The following SMAP1 variants were observed in gnomAD, a reference collection of about 807,000 sequenced individuals.
The protein encoded by SMAP1 is small ArfGAP 1, also known as stromal membrane-associated protein 1.
In SMAP1, 24 loss-of-function variants were observed where a neutral mutation model predicts 58.5. The observed-to-expected ratio is 0.41, with a 90% CI of 0.30 to 0.58. SMAP1 has a LOEUF of 0.58. SMAP1 is among the 20% of genes least tolerant of loss of function. The pLI is 0.29. For synonymous variants in SMAP1, 216 were observed against 196.6 expected, an observed-to-expected ratio of 1.10 and a Z score of -0.82; for missense variants, 563 against 566.3, an observed-to-expected ratio of 0.99 and a Z score of 0.06.
At chr6:70,811,110 A>G (rs1357873707) in intron 6 of SMAP1, among the ~76,000 whole-genome samples, 2 of 152,218 alleles carry the variant, frequency 1.3e-5, no homozygotes, top group African/African-American at 4.8e-5. Context: ...TAAAAGATGC[A>G]GATAGAAGAA....
intron 6 of SMAP1, among the ~76,000 whole-genome samples, chr6:70,800,659 C>T (rs1295036621): frequency 6.6e-6 from 1 of 151,834 alleles, no homozygotes; most frequent in Non-Finnish European, 1.5e-5. Flanking sequence ...AATGCTGTCC[C>T]TCCCCCAGCC....
chr6:70,802,702 G>A lies in SMAP1; in HGVS notation c.576+3965G>A, dbSNP rs541598207. ...TTCATCAATATCTAGTTTATTGAGA[G>A]TTTTTAGCATGAAGGGCTGTTGAAT... On this transcript the variant is annotated intron_variant, in intron 6 of 10. Transcript: ENST00000370455. 6.6e-5 allele frequency among the ~76,000 whole-genome samples: 10 copies of A among 152,304 alleles called. No individual in the cohort carries two copies. In the South Asian group the frequency reaches 8.3e-4, roughly 13 times the overall value.
intron 8 of SMAP1, among the ~76,000 whole-genome samples, chr6:70,853,360 C>T (rs1771261851): frequency 6.6e-6 from 1 of 152,050 alleles, no homozygotes; most frequent in Admixed American, 6.6e-5. Flanking sequence ...AAACAAACTA[C>T]TCTTAAGCAT....
At chr6:70,820,533 C>T (rs981392993) in intron 6 of SMAP1, among the ~76,000 whole-genome samples, 5 of 151,958 alleles carry the variant, frequency 3.3e-5, no homozygotes, top group Non-Finnish European at 7.4e-5. Context: ...AATGAAACCC[C>T]GTCTCTACTA....
At chr6:70,768,743 T>C (rs373127355) in intron 3 of SMAP1, among the ~76,000 whole-genome samples, 1 of 152,210 alleles carries the variant, frequency 6.6e-6, no homozygotes, top group East Asian at 1.9e-4. Context: ...TTTGTGTCTC[T>C]ATTTCCTTCA....
intron 8 of SMAP1, among the ~76,000 whole-genome samples, chr6:70,856,501 T>G (rs17764105): frequency 0.024 from 3,600 of 152,336 alleles, 52 homozygotes; most frequent in Non-Finnish European, 0.037. Context: ...TTCCAAAGGA[T>G]ACCAGTTTCT....
intron 6 of SMAP1, among the ~76,000 whole-genome samples, chr6:70,803,456 A>G (rs1179876390): frequency 6.6e-6 from 1 of 151,974 alleles, no homozygotes; most frequent in Non-Finnish European, 1.5e-5. Flanking sequence ...TCCTGGATTC[A>G]TTGATTTTTT....
At chr6:70,830,218 A>G (rs896868628) in intron 6 of SMAP1, among the ~76,000 whole-genome samples, 2 of 152,212 alleles carry the variant, frequency 1.3e-5, no homozygotes, top group African/African-American at 2.4e-5. Flanking sequence ...TTCCTATGCA[A>G]TGTTTTCAAT....
At position 70,713,915 on chromosome 6, in the gene SMAP1, G is replaced by A. The variant is rs144679629; in HGVS notation, c.119-18463G>A. Among the ~76,000 whole-genome samples the A allele has an allele frequency of 2.7e-3, 416 of 152,166 alleles. 1 individual carries two copies. The highest frequency in any genetic ancestry group is 8.7e-3 in the African/African-American group (362 of 41,522). ...GTCAGTATTTGCTTTATATACTTGG[G>A]TGCTCTGATGTTGGGTGTGTATTTG... is the stretch of plus-strand genomic sequence containing the variant. On this transcript the variant is annotated intron_variant, in intron 1 of 10. Coordinates refer to ENST00000370455, the MANE Select transcript of SMAP1 (RefSeq NM_001044305.3).
intron 2 of SMAP1, among the ~76,000 whole-genome samples, chr6:70,748,606 C>G (rs958845157): frequency 2.6e-5 from 4 of 152,020 alleles, no homozygotes; most frequent in African/African-American, 9.7e-5. Context: ...GAGGAAGTCT[C>G]CTTTTTCTGA....
chr6:70,744,933 G>A (rs1244216013), intron 2 of SMAP1, among the ~76,000 whole-genome samples: 1 of 152,210 alleles, frequency 6.6e-6, no homozygotes, highest in African/African-American at 2.4e-5. Context: ...GTGATAATGA[G>A]CATTTTTTCA....
At chr6:70,829,113 TCACC>T (rs1770257131) in intron 6 of SMAP1, among the ~76,000 whole-genome samples, 1 of 152,190 alleles carries the variant, frequency 6.6e-6, no homozygotes, top group African/African-American at 2.4e-5. Context: ...AAAATCCTAA[TCACC>T]CACGACTACC....
At chr6:70,790,805 G>A (rs1271219677) in intron 4 of SMAP1, among the ~76,000 whole-genome samples, 4 of 152,078 alleles carry the variant, frequency 2.6e-5, no homozygotes, top group African/African-American at 9.7e-5. Flanking sequence ...ATTCCTCATA[G>A]GCACTATTGA....
chr6:70,726,546 G>A (rs1279190058), intron 1 of SMAP1, among the ~76,000 whole-genome samples: 1 of 152,134 alleles, frequency 6.6e-6, no homozygotes, highest in African/African-American at 2.4e-5. Flanking sequence ...GTTCCTCATC[G>A]TATTTTCTTT....
rs762811712 is a variant in SMAP1, at chr6:70,858,075, T to C, written c.1115T>C (p.Met372Thr). 6.2e-7 allele frequency: 1 copy of C among 1,614,064 alleles called. No homozygotes were observed. Among genetic ancestry groups the C allele is most frequent in the South Asian group, 1.1e-5 (1 of 91,082 alleles). The change falls in exon 10 of 11, where the codon ATG becomes ACG. Residue 372 changes from methionine to threonine, a missense_variant. Physicochemically the swap from Met to Thr is moderately conservative, Grantham distance 81. Transcript: ENST00000370455. ...CCAAGCATGATGGTGGGCATGCCCATGCCCAATGGGTTTATGGGAAATGCA... is the reference window on the plus strand; with the variant it reads ...CCAAGCATGATGGTGGGCATGCCCACGCCCAATGGGTTTATGGGAAATGCA... Reference protein sequence around the residue: ...QSPSMMVGMPMPNGFMGNAQT... With the variant: ...QSPSMMVGMPTPNGFMGNAQT...
chr6:70,857,701 T>G (rs1295946493), intron 9 of SMAP1: 2 of 553,076 alleles, frequency 3.6e-6, no homozygotes, highest in East Asian at 6.1e-5. Context: ...TTTACATTTC[T>G]TAATTAAATT....
In SMAP1 at chr6:70,705,325, C is replaced by T. The variant is rs567707633; in HGVS notation, c.119-27053C>T. 6.4e-3 allele frequency among the ~76,000 whole-genome samples: 961 copies of T among 150,492 alleles called. 16 individuals carry two copies. The highest frequency in any genetic ancestry group is 0.022 in the African/African-American group (917 of 40,898). ...GGAGTGAAGTGGTGTGATCTTGGGTCTCTGCAGCTTCCACCTCCTGGGTTC... is the reference window on the plus strand; with the variant it reads ...GGAGTGAAGTGGTGTGATCTTGGGTTTCTGCAGCTTCCACCTCCTGGGTTC... On this transcript the variant is annotated intron_variant, in intron 1 of 10. Coordinates refer to ENST00000370455, the MANE Select transcript of SMAP1 (RefSeq NM_001044305.3).
At chr6:70,770,052 C>G (rs571032015) in intron 3 of SMAP1, among the ~76,000 whole-genome samples, 8 of 150,096 alleles carry the variant, frequency 5.3e-5, no homozygotes, top group Admixed American at 5.3e-4. Flanking sequence ...CTTGAAAATT[C>G]TTTTAAGAAT....
intron 3 of SMAP1, among the ~76,000 whole-genome samples, chr6:70,758,816 A>G (rs767617879): frequency 6.6e-6 from 1 of 152,132 alleles, no homozygotes; most frequent in African/African-American, 2.4e-5. Context: ...TGAAATTTCT[A>G]GCTTGGTTGA....
Sources: gnomAD v4.1 joint callset for allele counts (sites outside exome capture counted in the v4.1 genomes callset) on GRCh38, gnomAD v4.1.1 for gene constraint, MANE v1.5 for transcripts, NCBI Gene and HGNC (gene_info 2026-07-23, HGNC 2026-07-21) for gene names.